The following CPQ variants were observed in gnomAD, a reference collection of about 807,000 sequenced individuals.
CPQ encodes Ser-Met dipeptidase.
In CPQ, 37 loss-of-function variants were observed where a neutral mutation model predicts 45.7. That is an observed-to-expected ratio of 0.81 (90% CI 0.62 to 1.07). The LOEUF (loss-of-function observed/expected upper bound fraction) is 1.07, where lower values mean the gene tolerates loss of function less well. Among genes scored for constraint, CPQ ranks in the 50% least tolerant of loss-of-function variants. The pLI is 0.00. For synonymous variants in CPQ, 186 were observed against 205.8 expected (o/e 0.90, Z 0.82); for missense variants, 537 against 572.9 (o/e 0.94, Z 0.64).
chr8:97,085,843 G>T (rs1313243934), intron 7 of CPQ, among the ~76,000 whole-genome samples: 1 of 152,190 alleles, frequency 6.6e-6, no homozygotes, highest in Non-Finnish European at 1.5e-5. Flanking sequence ...ATCCACAGTG[G>T]TTAATGGTGT....
At chr8:96,693,149 A>G (rs1809325545) in intron 1 of CPQ, among the ~76,000 whole-genome samples, 1 of 152,066 alleles carries the variant, frequency 6.6e-6, no homozygotes, top group Admixed American at 6.6e-5. Context: ...AAAGTAGACA[A>G]AAGAAGAAAG....
Position 96,854,530 on chromosome 8 carries a change from C to CAA in CPQ, c.641+19378_641+19379dup, listed in dbSNP as rs1156706371. ...TGGGCGACAGAGCGAGACTCCGTCT[C>CAA]AAAAAAAAAAAAAAAAAAAAAAAAA... is the stretch of plus-strand genomic sequence containing the variant. On this transcript the variant is annotated intron_variant, in intron 3 of 7. Coordinates refer to ENST00000220763, the MANE Select transcript of CPQ (RefSeq NM_016134.4). Among the ~76,000 whole-genome samples, 58 of 8,692 alleles carry CAA rather than the reference C, an allele frequency of 6.7e-3. 13 individuals are homozygous for CAA. The highest frequency in any genetic ancestry group is 0.011 in the Admixed American group (5 of 438). 5.7% of individuals were successfully genotyped at this position (8,692 alleles called of 152,430 possible).
chr8:96,648,062 G>A (rs1020208539), intron 1 of CPQ, among the ~76,000 whole-genome samples: 2 of 152,174 alleles, frequency 1.3e-5, no homozygotes, highest in Admixed American at 1.3e-4. Flanking sequence ...TGCAGGATGG[G>A]TTTCCAGAAC....
chr8:96,852,194 T>C (rs1173029173), intron 3 of CPQ, among the ~76,000 whole-genome samples: 1 of 152,228 alleles, frequency 6.6e-6, no homozygotes, highest in Non-Finnish European at 1.5e-5. Context: ...CACTTGCCCT[T>C]GCCTGTTACT....
intron 7 of CPQ, among the ~76,000 whole-genome samples, chr8:97,122,955 A>AT (rs1563586820): frequency 1.1e-5 from 1 of 88,378 alleles, no homozygotes; most frequent in Non-Finnish European, 1.9e-5. Context: ...ATAAAATAAA[A>AT]TAAAATAAAA....
intron 1 of CPQ, among the ~76,000 whole-genome samples, chr8:96,660,122 G>T (rs1835672161): frequency 6.6e-6 from 1 of 152,168 alleles, no homozygotes; most frequent in South Asian, 2.1e-4. Context: ...ACAAAATCCT[G>T]CAGACTGGGT....
At chr8:96,740,227 G>C (rs1208292280) in intron 1 of CPQ, among the ~76,000 whole-genome samples, 6 of 152,076 alleles carry the variant, frequency 3.9e-5, no homozygotes, top group Non-Finnish European at 5.9e-5. Context: ...TAAAGCAATT[G>C]TGAATGGGAG....
At chr8:96,880,425 C>T (rs1285110846) in intron 4 of CPQ, among the ~76,000 whole-genome samples, 3 of 151,072 alleles carry the variant, frequency 2.0e-5, no homozygotes, top group Non-Finnish European at 4.4e-5. Flanking sequence ...CCTGCACTCA[C>T]ATGTTTATTG....
intron 3 of CPQ, among the ~76,000 whole-genome samples, chr8:96,847,790 G>A (rs1209800586): frequency 6.7e-6 from 1 of 149,858 alleles, no homozygotes; most frequent in Non-Finnish European, 1.5e-5. Context: ...CAAAATCTCA[G>A]GTCCAGCAAT....
chr8:96,688,051 G>A (rs1350529173), intron 1 of CPQ, among the ~76,000 whole-genome samples: 1 of 151,844 alleles, frequency 6.6e-6, no homozygotes, highest in Non-Finnish European at 1.5e-5. Context: ...GTTTCCTATT[G>A]CTGAGATTTT....
rs1810834829 is a variant in CPQ, at chr8:97,075,678, T to C, written c.1255+9468T>C. ...TTTTCTCCTTGTCAGCCATGTGAGATTTTTCTCTCTCTGCTTTAAATAATT... is the reference window on the plus strand; with the variant it reads ...TTTTCTCCTTGTCAGCCATGTGAGACTTTTCTCTCTCTGCTTTAAATAATT... On this transcript the variant is annotated intron_variant, in intron 7 of 7. Coordinates refer to ENST00000220763, the MANE Select transcript of CPQ (RefSeq NM_016134.4). Among the ~76,000 whole-genome samples, 9 of 152,292 alleles carry C rather than the reference T, an allele frequency of 5.9e-5. No homozygotes were observed. In the South Asian group the frequency reaches 1.9e-3, roughly 32 times the overall value.
chr8:96,724,704 A>G (rs1176616886), intron 1 of CPQ, among the ~76,000 whole-genome samples: 1 of 152,204 alleles, frequency 6.6e-6, no homozygotes. Flanking sequence ...TGGATTCAAC[A>G]TTATTCCTAT....
At chr8:97,065,944 A>T in intron 6 of CPQ, 65 bp from the exon 7 acceptor site, 1 of 1,492,592 alleles carries the variant, frequency 6.7e-7, no homozygotes, top group Non-Finnish European at 9.3e-7. Context: ...TTGTTGTTTG[A>T]TAGTTCCCAA....
At chr8:96,681,468 A>G (rs1286528988) in intron 1 of CPQ, among the ~76,000 whole-genome samples, 2 of 152,236 alleles carry the variant, frequency 1.3e-5, no homozygotes, top group Admixed American at 6.5e-5. Context: ...AGAAGTCAAG[A>G]ACTGAGGTTT....
chr8:96,692,241 G>A (rs1415734265), intron 1 of CPQ, among the ~76,000 whole-genome samples: 1 of 152,218 alleles, frequency 6.6e-6, no homozygotes, highest in Non-Finnish European at 1.5e-5. Flanking sequence ...GCTTTCAGTA[G>A]AAGTGCAAGA....
At chr8:96,965,399 A>G (rs1350915850) in intron 4 of CPQ, among the ~76,000 whole-genome samples, 68 of 119,538 alleles carry the variant, frequency 5.7e-4, no homozygotes, top group African/African-American at 2.0e-3. Flanking sequence ...TTTGAGATGG[A>G]GTCTTGCTCT....
At chr8:97,127,543 G>A (rs1811867949) in intron 7 of CPQ, among the ~76,000 whole-genome samples, 1 of 151,988 alleles carries the variant, frequency 6.6e-6, no homozygotes, top group African/African-American at 2.4e-5. Context: ...ACAAAAATTA[G>A]CCAGGCGTGG....
At chr8:97,044,886 C>G (rs556207026) in intron 6 of CPQ, among the ~76,000 whole-genome samples, 1 of 152,300 alleles carries the variant, frequency 6.6e-6, no homozygotes, top group Admixed American at 6.5e-5. Flanking sequence ...AGGTGTCAGT[C>G]TGCCCCTACT....
intron 7 of CPQ, among the ~76,000 whole-genome samples, chr8:97,123,052 TAAAATAAAATAAAA>T (rs1811762755): frequency 1.6e-4 from 6 of 36,800 alleles, no homozygotes; most frequent in African/African-American, 6.4e-4. Context: ...ATAAATAAAA[TAAAATAAAATAAAA>T]AAAATAAAAT....
Sources: gnomAD v4.1 joint callset for allele counts (sites outside exome capture counted in the v4.1 genomes callset) on GRCh38, gnomAD v4.1.1 for gene constraint, MANE v1.5 for transcripts, NCBI Gene and HGNC (gene_info 2026-07-23, HGNC 2026-07-21) for gene names.